Variants in MTF2 observed in about 807,000 individuals in gnomAD.
The protein encoded by MTF2 is metal-response element-binding transcription factor 2.
A neutral mutation model predicts 79.5 loss-of-function variants in MTF2; 11 were observed. That is an observed-to-expected ratio of 0.14 (90% CI 0.09 to 0.23). The LOEUF (loss-of-function observed/expected upper bound fraction) is 0.23, where lower values mean the gene tolerates loss of function less well. MTF2 is among the 10% of genes least tolerant of loss of function. The probability of loss-of-function intolerance (pLI) is 1.00; values close to 1 mark genes in which losing one functional copy is unlikely to be tolerated. For missense variants in MTF2, 486 were observed against 711.2 expected (o/e 0.68, Z 3.60); for synonymous variants, 208 against 232.8 (o/e 0.89, Z 0.97).
intron 1 of MTF2, among the ~76,000 whole-genome samples, chr1:93,086,033 C>A (rs1325740874): frequency 6.6e-6 from 1 of 152,188 alleles, no homozygotes; most frequent in Non-Finnish European, 1.5e-5. Context: ...ACCAACATCA[C>A]TGCAAACACA....
chr1:93,127,665 A>G (rs898909579), intron 10 of MTF2, among the ~76,000 whole-genome samples: 1 of 152,234 alleles, frequency 6.6e-6, no homozygotes, highest in African/African-American at 2.4e-5. Context: ...ATTGTAGGGA[A>G]TACGGGTTTT....
intron 14 of MTF2, 194 bp downstream of exon 14, chr1:93,134,389 C>T (rs1197500521): frequency 1.3e-5 from 7 of 535,732 alleles, no homozygotes; most frequent in Non-Finnish European, 2.3e-5. Flanking sequence ...TTCTAGAGTA[C>T]AAATGTATTT....
intron 1 of MTF2, among the ~76,000 whole-genome samples, chr1:93,087,005 A>T (rs1654869370): frequency 6.6e-6 from 1 of 152,230 alleles, no homozygotes; most frequent in Non-Finnish European, 1.5e-5. Context: ...TTGTATGCTT[A>T]GTCTAAAGCT....
At chr1:93,117,048 ATAT>A (rs941271020) in intron 6 of MTF2, among the ~76,000 whole-genome samples, 2 of 152,198 alleles carry the variant, frequency 1.3e-5, no homozygotes, top group Non-Finnish European at 2.9e-5. Context: ...AAAGTTTGAA[ATAT>A]TATGGGAATT....
At chr1:93,099,272 T>C (rs982542734) in intron 1 of MTF2, among the ~76,000 whole-genome samples, 1 of 152,198 alleles carries the variant, frequency 6.6e-6, no homozygotes, top group Admixed American at 6.5e-5. Context: ...ACTAAATAGC[T>C]GAGGAAAGCC....
intron 1 of MTF2, among the ~76,000 whole-genome samples, chr1:93,088,700 G>A (rs1654950719): frequency 6.6e-6 from 1 of 151,954 alleles, no homozygotes; most frequent in Admixed American, 6.6e-5. Context: ...CAAGTAGCTG[G>A]GATTACAGCT....
At chr1:93,084,213 C>T (rs1055833786) in intron 1 of MTF2, among the ~76,000 whole-genome samples, 2 of 151,868 alleles carry the variant, frequency 1.3e-5, no homozygotes, top group African/African-American at 4.8e-5. Context: ...ATGTGGATAC[C>T]AGTTTTCTAG....
chr1:93,120,973 A>G, intron 9 of MTF2: 3 of 1,086,114 alleles, frequency 2.8e-6, no homozygotes, highest in Non-Finnish European at 3.4e-6. Context: ...AATCTTTAGT[A>G]TTGGGTATCT....
Position 93,138,873 on chromosome 1 carries a change from C to G in MTF2, c.*1846C>G, listed in dbSNP as rs564613863. 6.6e-6 allele frequency: 1 copy of G among 152,294 alleles called. No individual in the cohort carries two copies. The highest frequency in any genetic ancestry group is 2.4e-5 in the African/African-American group (1 of 41,566). 9.4% of individuals were successfully genotyped at this position (152,294 alleles called of 1,614,324 possible). A position where few individuals can be genotyped will look rare whatever the true frequency, so the allele number is the denominator to read the frequency against. ...AAAGTCCTTTAATTCTAACTGAACACCAGCAGTATTTTTAGAAATTTTTCT... is the reference window on the plus strand; with the variant it reads ...AAAGTCCTTTAATTCTAACTGAACAGCAGCAGTATTTTTAGAAATTTTTCT... On this transcript the variant is annotated 3_prime_UTR_variant, in exon 15 of 15. Transcript: ENST00000370298.
At chr1:93,130,080 A>C (rs1656858156) in intron 11 of MTF2, among the ~76,000 whole-genome samples, 1 of 152,250 alleles carries the variant, frequency 6.6e-6, no homozygotes, top group Non-Finnish European at 1.5e-5. Context: ...TCCAGCTAGC[A>C]GAAACAGCAA....
intron 5 of MTF2, 123 bp downstream of exon 5, chr1:93,115,211 G>T: frequency 1.3e-6 from 1 of 756,538 alleles, no homozygotes; most frequent in South Asian, 2.1e-5. Flanking sequence ...GTAGAAAGAG[G>T]TGCTATTTAT....
chr1:93,133,628 C>A lies in MTF2; in HGVS notation c.1161-75C>A. ...AATAATAAAATATATGTATATGTGT[C>A]TAGTTACATACATAGAGTCAATGTC... On this transcript the variant is annotated intron_variant, in intron 11 of 14. Coordinates refer to ENST00000370298, the MANE Select transcript of MTF2 (RefSeq NM_007358.4). 3 of 824,152 alleles carry A rather than the reference C, an allele frequency of 3.6e-6. No individual in the cohort carries two copies. In the East Asian group the frequency reaches 7.8e-5, roughly 21 times the overall value. 51.1% of individuals were successfully genotyped at this position (824,152 alleles called of 1,614,324 possible). A position where few individuals can be genotyped will look rare whatever the true frequency, so the allele number is the denominator to read the frequency against.
chr1:93,089,979 A>AT lies in MTF2; in HGVS notation c.5+10456dup, dbSNP rs564051628. Among the ~76,000 whole-genome samples, 4 of 151,002 alleles carry AT rather than the reference A, an allele frequency of 2.6e-5. 1 individual carries two copies. The South Asian group carries it at 8.4e-4, about 32-fold the overall frequency. On this transcript the variant is annotated intron_variant, in intron 1 of 14. Transcript: ENST00000370298. ...AGGTGTGCACCACCACACCTGGCTA[A>AT]TTTTTTTTCTTTTTTGAGATGGAGT...
chr1:93,124,636 T>C (rs892890804), intron 9 of MTF2, among the ~76,000 whole-genome samples: 1 of 152,000 alleles, frequency 6.6e-6, no homozygotes, highest in East Asian at 1.9e-4. Flanking sequence ...AAGTGGAAAT[T>C]ATAAGAAATC....
rs1259554846 is a variant in MTF2, at chr1:93,138,643, C to G, written c.*1616C>G. 6.6e-6 allele frequency: 1 copy of G among 152,180 alleles called. No individual in the cohort carries two copies. The highest frequency in any genetic ancestry group is 1.5e-5 in the Non-Finnish European group (1 of 68,016). The allele number at this position is 152,180 out of a possible 1,614,324, so 9.4% of individuals were successfully genotyped here. On this transcript the variant is annotated 3_prime_UTR_variant, in exon 15 of 15. Coordinates refer to ENST00000370298, the MANE Select transcript of MTF2 (RefSeq NM_007358.4). ...GCTTTACAAAAGTGCAAATTAAAAA[C>G]TGTTACTTCTGTTTACCTCCACCAA...
At chr1:93,094,724 T>G (rs1031454906) in intron 1 of MTF2, among the ~76,000 whole-genome samples, 1 of 152,196 alleles carries the variant, frequency 6.6e-6, no homozygotes, top group Non-Finnish European at 1.5e-5. Context: ...CTGTGGGTTC[T>G]CCCATCAGGA....
At chr1:93,114,584 T>A in intron 3 of MTF2, 104 bp from the exon 4 acceptor site, 1 of 713,522 alleles carries the variant, frequency 1.4e-6, no homozygotes, top group Non-Finnish European at 2.3e-6. Context: ...TATGATGTAC[T>A]TAGCAAACAT....
intron 14 of MTF2, among the ~76,000 whole-genome samples, chr1:93,136,114 A>G (rs966323802): frequency 2.6e-5 from 4 of 152,156 alleles, no homozygotes; most frequent in East Asian, 3.9e-4. Flanking sequence ...AGAGATTGAG[A>G]TTTGAATTTG....
At chr1:93,104,185 C>G (rs1655665990) in intron 1 of MTF2, among the ~76,000 whole-genome samples, 1 of 150,844 alleles carries the variant, frequency 6.6e-6, no homozygotes, top group African/African-American at 2.5e-5. Context: ...AGTGATCCTC[C>G]TGCCTCAGCC....
Sources: allele counts gnomAD v4.1 joint callset (sites outside exome capture counted in the v4.1 genomes callset), GRCh38; gene constraint gnomAD v4.1.1; transcripts MANE v1.5; gene names NCBI Gene and HGNC (gene_info 2026-07-23, HGNC 2026-07-21).